EYS: variants seen among roughly 807,000 people sequenced by gnomAD.
EYS encodes EGF-like photoreceptor maintenance factor, also known as protein eyes shut homolog.
Under a neutral mutation model 282.1 loss-of-function variants are expected in EYS, and 250 were observed. That is an observed-to-expected ratio of 0.89 (90% CI 0.80 to 0.98). The LOEUF is 0.98. Among genes scored for constraint, EYS ranks in the 50% least tolerant of loss-of-function variants. EYS has a pLI of 0.00. For missense variants in EYS, 4,016 were observed against 3,709.0 expected, an observed-to-expected ratio of 1.08 and a Z score of -2.15; for synonymous variants, 1,355 against 1,282.9, an observed-to-expected ratio of 1.06 and a Z score of -1.20.
At position 64,732,225 on chromosome 6, in the gene EYS, G is replaced by T. The variant is rs1043096055; in HGVS notation, c.3443+81153C>A. Among the ~76,000 whole-genome samples, 13 of 137,998 alleles carry T rather than the reference G, an allele frequency of 9.4e-5. No homozygotes were observed. The East Asian group carries it at 3.7e-3, about 40-fold the overall frequency. 90.5% of individuals were successfully genotyped at this position (137,998 alleles called of 152,430 possible). A position where few individuals can be genotyped will look rare whatever the true frequency, so the allele number is the denominator to read the frequency against. On this transcript the variant is annotated intron_variant, in intron 22 of 42. Transcript: ENST00000503581. The stretch of plus-strand genomic sequence containing the variant: ...ACCTAATGTTGGTGATGGGTTGCTG[G>T]GTGCAGCAAACCACCGTGGCACGTG...
rs529164187 is a variant in EYS at position 65,233,456 on chromosome 6, G to C, written c.2023+62407C>G. On this transcript the variant is annotated intron_variant, in intron 12 of 42. Coordinates refer to ENST00000503581, the MANE Select transcript of EYS (RefSeq NM_001142800.2). ...TTTTCCCCTTATTTTTAATCTTTGA[G>C]TCTAATATCTAGAGGTTGTCCCAGG... 2.0e-5 allele frequency among the ~76,000 whole-genome samples: 3 copies of C among 152,208 alleles called. No individual in the cohort carries two copies. In the East Asian group the frequency reaches 5.8e-4, roughly 29 times the overall value.
At chr6:63,868,102 A>G (rs758275286) in intron 35 of EYS, among the ~76,000 whole-genome samples, 41 of 152,168 alleles carry the variant, frequency 2.7e-4, no homozygotes, top group Non-Finnish European at 1.6e-4. Context: ...GGAGTGCCAT[A>G]TACAGTCTAC....
intron 12 of EYS, among the ~76,000 whole-genome samples, chr6:65,232,262 T>G (rs1387025288): frequency 6.6e-6 from 1 of 152,042 alleles, no homozygotes; most frequent in Non-Finnish European, 1.5e-5. Flanking sequence ...AATTAAAATA[T>G]AAATCCTTAC....
intron 12 of EYS, among the ~76,000 whole-genome samples, chr6:65,188,556 C>G (rs906826032): frequency 2.0e-5 from 3 of 151,410 alleles, no homozygotes; most frequent in African/African-American, 7.3e-5. Flanking sequence ...ATCCTCAGAA[C>G]TTGTGAATGC....
At chr6:64,649,619 T>C (rs951506400) in intron 22 of EYS, among the ~76,000 whole-genome samples, 19 of 152,176 alleles carry the variant, frequency 1.2e-4, no homozygotes, top group African/African-American at 3.9e-4. Context: ...ATTACAGGTG[T>C]GAGCCACCAC....
At chr6:63,869,195 A>G (rs1772740321) in intron 35 of EYS, among the ~76,000 whole-genome samples, 1 of 152,208 alleles carries the variant, frequency 6.6e-6, no homozygotes, top group African/African-American at 2.4e-5. Context: ...AAGAGCAAAT[A>G]AAAGTCATAG....
chr6:64,518,736 C>G (rs963562600), intron 26 of EYS, among the ~76,000 whole-genome samples: 2 of 150,696 alleles, frequency 1.3e-5, no homozygotes, highest in African/African-American at 4.9e-5. Context: ...CCATCCTGTT[C>G]TTGTGATAGT....
chr6:63,834,638 C>T (rs12110868), intron 36 of EYS, among the ~76,000 whole-genome samples: 1 of 140,162 alleles, frequency 7.1e-6, no homozygotes, highest in East Asian at 2.1e-4. Flanking sequence ...GTGGAAGACA[C>T]TGTGGCGATT....
Position 63,922,110 on chromosome 6 carries a change from C to G in EYS, c.7056-57752G>C, listed in dbSNP as rs139111602. Among the ~76,000 whole-genome samples, 585 of 152,306 alleles carry G rather than the reference C, an allele frequency of 3.8e-3. 3 individuals carry two copies. Among genetic ancestry groups the G allele is most frequent in the Non-Finnish European group, 6.2e-3 (419 of 68,038 alleles). ...CAAGAAGAGAGTCCCCAGAACCCAG[C>G]CATTCTGGCAACCTGACCTTGAACT... is the stretch of plus-strand genomic sequence containing the variant. On this transcript the variant is annotated intron_variant, in intron 35 of 42. Coordinates refer to ENST00000503581, the MANE Select transcript of EYS (RefSeq NM_001142800.2).
chr6:65,210,326 T>C (rs1015475034), intron 12 of EYS, among the ~76,000 whole-genome samples: 1 of 152,014 alleles, frequency 6.6e-6, no homozygotes, highest in Non-Finnish European at 1.5e-5. Flanking sequence ...AACTTTCCCA[T>C]TGGAATCCTA....
At chr6:64,131,763 T>C (rs1188634806) in intron 31 of EYS, among the ~76,000 whole-genome samples, 1 of 152,176 alleles carries the variant, frequency 6.6e-6, no homozygotes, top group Non-Finnish European at 1.5e-5. Context: ...ATGGATTCGA[T>C]TTTCAGCCGG....
chr6:65,167,882 C>T (rs900500991), intron 12 of EYS, among the ~76,000 whole-genome samples: 1 of 151,064 alleles, frequency 6.6e-6, no homozygotes, highest in Non-Finnish European at 1.5e-5. Context: ...TCCTTTTTAG[C>T]TGTGTTTTTT....
intron 12 of EYS, among the ~76,000 whole-genome samples, chr6:65,120,219 C>T (rs147047339): frequency 0.013 from 1,916 of 150,384 alleles, 109 homozygotes; most frequent in Admixed American, 0.11. Flanking sequence ...ACACAACACT[C>T]ACAGAAAACA....
chr6:64,251,072 G>T (rs1767196496), intron 30 of EYS, among the ~76,000 whole-genome samples: 1 of 152,052 alleles, frequency 6.6e-6, no homozygotes, highest in African/African-American at 2.4e-5. Flanking sequence ...TGAAGCAATG[G>T]ATTTTGCCTT....
At chr6:65,450,762 C>T (rs865869589) in intron 5 of EYS, among the ~76,000 whole-genome samples, 5 of 152,186 alleles carry the variant, frequency 3.3e-5, no homozygotes, top group Middle Eastern at 3.4e-3. Context: ...ATACTCCCTG[C>T]GAAATGTGGG....
chr6:64,322,472 G>C (rs1012273659), intron 29 of EYS, among the ~76,000 whole-genome samples: 13 of 152,042 alleles, frequency 8.6e-5, no homozygotes, highest in African/African-American at 3.1e-4. Context: ...TATATTTACA[G>C]GCTATAGGGA....
chr6:64,272,653 GA>G (rs1158048799), intron 30 of EYS, among the ~76,000 whole-genome samples: 1 of 152,084 alleles, frequency 6.6e-6, no homozygotes, highest in African/African-American at 2.4e-5. Context: ...CTGTTAGTCT[GA>G]TGTGCTTCCT....
At chr6:63,830,397 C>T (rs1330834854) in intron 36 of EYS, among the ~76,000 whole-genome samples, 1 of 152,170 alleles carries the variant, frequency 6.6e-6, no homozygotes, top group Non-Finnish European at 1.5e-5. Flanking sequence ...AGCTGAAAAC[C>T]ATGGCACGAG....
intron 35 of EYS, among the ~76,000 whole-genome samples, chr6:63,925,362 ATT>A (rs1009909389): frequency 6.6e-6 from 1 of 152,178 alleles, no homozygotes; most frequent in African/African-American, 2.4e-5. Context: ...AAATGAGTAT[ATT>A]TTACCTATCC....
Sources: gnomAD v4.1 joint callset for allele counts (sites outside exome capture counted in the v4.1 genomes callset) on GRCh38, gnomAD v4.1.1 for gene constraint, MANE v1.5 for transcripts, NCBI Gene and HGNC (gene_info 2026-07-23, HGNC 2026-07-21) for gene names.